The following TEX9 variants were observed in gnomAD, a reference collection of about 807,000 sequenced individuals.
The protein encoded by TEX9 is testis expressed 9, also known as testis-expressed protein 9.
Under a neutral mutation model 59.6 loss-of-function variants are expected in TEX9, and 74 were observed. The ratio of observed to expected loss-of-function variants is 1.24; its 90% CI spans 1.03 to 1.51. The LOEUF is 1.51. Ranked by LOEUF, TEX9 falls within the 40% of genes most tolerant of loss-of-function variation. TEX9 has a pLI of 0.00. For synonymous variants in TEX9, 186 were observed against 152.2 expected, an observed-to-expected ratio of 1.22 and a Z score of -1.64; for missense variants, 522 against 447.8, an observed-to-expected ratio of 1.17 and a Z score of -1.49.
At chr15:56,443,859 A>C (rs756952633) in intron 12 of TEX9, 1 of 1,589,156 alleles carries the variant, frequency 6.3e-7, no homozygotes, top group African/African-American at 1.4e-5. Context: ...TTTTCCCTGA[A>C]AAGCAATAAC....
intron 1 of TEX9, among the ~76,000 whole-genome samples, chr15:56,348,702 G>C (rs79030633): frequency 0.014 from 2,181 of 152,088 alleles, 52 homozygotes; most frequent in East Asian, 0.046. Flanking sequence ...TACGACTATG[G>C]CATGTGGGCA....
the TEX9 span, among the ~76,000 whole-genome samples, chr15:56,457,996 A>G: frequency 1.3e-5 from 2 of 152,234 alleles, no homozygotes; most frequent in African/African-American, 2.4e-5. Context: ...TGAGTGGTCA[A>G]ATAAACTGTG....
At chr15:56,273,690 G>C (rs1039508370) in intron 1 of TEX9, among the ~76,000 whole-genome samples, 10 of 152,156 alleles carry the variant, frequency 6.6e-5, no homozygotes, top group Admixed American at 3.3e-4. Context: ...ATGTATGAAA[G>C]ATAGTTCTGC....
At chr15:56,262,530 A>C (rs575345391) in intron 1 of TEX9, among the ~76,000 whole-genome samples, 2 of 152,316 alleles carry the variant, frequency 1.3e-5, no homozygotes, top group South Asian at 4.1e-4. Flanking sequence ...CATATAGCCT[A>C]TTTTGACAAA....
At chr15:56,311,141 T>C (rs1187865064) in intron 1 of TEX9, among the ~76,000 whole-genome samples, 1 of 71,212 alleles carries the variant, frequency 1.4e-5, no homozygotes, top group African/African-American at 3.9e-5. Flanking sequence ...TTTTTTTAAT[T>C]TCTTTTTTTT....
chr15:56,443,541 T>C, intron 12 of TEX9: 2 of 1,578,134 alleles, frequency 1.3e-6, no homozygotes, highest in Non-Finnish European at 1.7e-6. Flanking sequence ...GTGTCAACTA[T>C]TAAATTTTTT....
chr15:56,382,732 G>A (rs2047786144), intron 3 of TEX9, among the ~76,000 whole-genome samples: 2 of 152,108 alleles, frequency 1.3e-5, no homozygotes, highest in Admixed American at 1.3e-4. Flanking sequence ...TGGCCGAGGT[G>A]GTATCCGAGA....
At chr15:56,261,355 A>C (rs2044261482) in intron 1 of TEX9, among the ~76,000 whole-genome samples, 1 of 151,842 alleles carries the variant, frequency 6.6e-6, no homozygotes, top group South Asian at 2.1e-4. Context: ...CTTTCTTCTA[A>C]TCATTGTGAA....
chr15:56,336,172 A>G (rs186382254), intron 1 of TEX9, among the ~76,000 whole-genome samples: 3 of 152,132 alleles, frequency 2.0e-5, no homozygotes, highest in Admixed American at 6.5e-5. Context: ...CATAATCTCA[A>G]CTTGTTCAGT....
chr15:56,363,772 C>T (rs2046836372), upstream of TEX9, among the ~76,000 whole-genome samples: 1 of 151,308 alleles, frequency 6.6e-6, no homozygotes, highest in Non-Finnish European at 1.5e-5. Flanking sequence ...CTCAAGTGAT[C>T]CTCCCACCTC....
At chr15:56,356,797 G>A (rs1313219307) in intron 1 of TEX9, among the ~76,000 whole-genome samples, 3 of 152,042 alleles carry the variant, frequency 2.0e-5, no homozygotes, top group Non-Finnish European at 4.4e-5. Flanking sequence ...AAGTTCCAGT[G>A]GTCTGGCTCT....
chr15:56,444,693 G>C (rs1485978219), intron 12 of TEX9: 1 of 1,585,716 alleles, frequency 6.3e-7, no homozygotes, highest in Non-Finnish European at 8.6e-7. Flanking sequence ...AAACAAAATT[G>C]ATCTTTCCGT....
intron 1 of TEX9, among the ~76,000 whole-genome samples, chr15:56,253,026 G>C (rs1474231729): frequency 3.3e-5 from 5 of 152,110 alleles, no homozygotes; most frequent in African/African-American, 1.2e-4. Flanking sequence ...ATTGATGGCA[G>C]GGGATAAGGG....
intron 1 of TEX9, among the ~76,000 whole-genome samples, chr15:56,277,442 A>G (rs1229612857): frequency 6.6e-6 from 1 of 152,122 alleles, no homozygotes; most frequent in Non-Finnish European, 1.5e-5. Context: ...TCCTTTCCCC[A>G]TTGGTTGTTT....
intron 1 of TEX9, among the ~76,000 whole-genome samples, chr15:56,332,551 A>G (rs2046171482): frequency 1.3e-5 from 2 of 151,986 alleles, no homozygotes; most frequent in Non-Finnish European, 2.9e-5. Context: ...GCGCACCAGC[A>G]TGGCTCATGT....
intron 12 of TEX9, among the ~76,000 whole-genome samples, chr15:56,442,393 T>C (rs2050830961): frequency 6.6e-6 from 1 of 152,148 alleles, no homozygotes; most frequent in Non-Finnish European, 1.5e-5. Context: ...GCTGGGTATA[T>C]ACCCAAAGGA....
rs566365980 is a variant in TEX9 at position 56,266,081 on chromosome 15, A to AT, written c.-107+21810dup. On this transcript the variant is annotated intron_variant, in intron 1 of 5. Coordinates refer to the TEX9 transcript ENST00000560827. Reference sequence around the variant, plus strand: ...TTTGTTAGATGTGTGATTATTATGCATTTTTTTGTATATTCTTGGTGAATT... The same window carrying AT: ...TTTGTTAGATGTGTGATTATTATGCATTTTTTTTGTATATTCTTGGTGAATT... Among the ~76,000 whole-genome samples, 64 of 150,904 alleles carry AT rather than the reference A, an allele frequency of 4.2e-4. No homozygotes were observed. In the South Asian group the frequency reaches 0.012, roughly 29 times the overall value.
chr15:56,336,711 A>G (rs1185107825), intron 1 of TEX9, among the ~76,000 whole-genome samples: 1 of 152,194 alleles, frequency 6.6e-6, no homozygotes, highest in Non-Finnish European at 1.5e-5. Flanking sequence ...ATTGCAGTAC[A>G]GTTGCAACAA....
At chr15:56,353,207 T>C (rs1379104547) in intron 1 of TEX9, among the ~76,000 whole-genome samples, 1 of 152,178 alleles carries the variant, frequency 6.6e-6, no homozygotes. Flanking sequence ...TATAAGCTTG[T>C]TTTAATTAAA....
Sources: allele counts gnomAD v4.1 joint callset (sites outside exome capture counted in the v4.1 genomes callset), GRCh38; gene constraint gnomAD v4.1.1; transcripts MANE v1.5; gene names NCBI Gene and HGNC (gene_info 2026-07-23, HGNC 2026-07-21).